NKAIN3: variants seen among roughly 807,000 people sequenced by gnomAD.
NKAIN3 encodes the protein sodium/potassium transporting ATPase interacting 3, also known as sodium/potassium-transporting ATPase subunit beta-1-interacting protein 3.
A neutral mutation model predicts 30.2 loss-of-function variants in NKAIN3; 25 were observed. That is an observed-to-expected ratio of 0.83 (90% CI 0.60 to 1.16). NKAIN3 has a LOEUF of 1.16. Among genes scored for constraint, NKAIN3 ranks in the 50% most tolerant of loss-of-function variants. The pLI is 0.00. For synonymous variants in NKAIN3, 91 were observed against 89.6 expected (o/e 1.02, Z -0.09); for missense variants, 225 against 254.1 (o/e 0.89, Z 0.78).
intron 4 of NKAIN3, among the ~76,000 whole-genome samples, chr8:62,896,716 C>T (rs577074448): frequency 6.6e-6 from 1 of 152,266 alleles, no homozygotes; most frequent in South Asian, 2.1e-4. Context: ...TTAAGTGGCT[C>T]TAGCTGGGAT....
At chr8:62,606,106 TC>T (rs1811118254) in intron 3 of NKAIN3, among the ~76,000 whole-genome samples, 1 of 152,088 alleles carries the variant, frequency 6.6e-6, no homozygotes, top group Non-Finnish European at 1.5e-5. Flanking sequence ...TGTGCGTCGA[TC>T]CACCATCTCC....
intron 1 of NKAIN3, among the ~76,000 whole-genome samples, chr8:62,338,077 A>G (rs1005333557): frequency 6.6e-6 from 1 of 152,046 alleles, no homozygotes; most frequent in African/African-American, 2.4e-5. Flanking sequence ...TTATCTGCCA[A>G]TGATGTGTCT....
chr8:62,896,729 A>G (rs1821439206), intron 4 of NKAIN3, among the ~76,000 whole-genome samples: 2 of 152,180 alleles, frequency 1.3e-5, no homozygotes, highest in Non-Finnish European at 2.9e-5. Flanking sequence ...GCTGGGATGG[A>G]GATAGGCAAG....
At chr8:62,373,340 T>C (rs1816966506) in intron 1 of NKAIN3, among the ~76,000 whole-genome samples, 1 of 152,224 alleles carries the variant, frequency 6.6e-6, no homozygotes, top group South Asian at 2.1e-4. Flanking sequence ...ATTTCTAGGC[T>C]GAAATTCTAC....
chr8:62,399,997 A>G (rs1317307895), intron 1 of NKAIN3, among the ~76,000 whole-genome samples: 1 of 152,054 alleles, frequency 6.6e-6, no homozygotes, highest in East Asian at 1.9e-4. Context: ...TCCTGAACAT[A>G]GAGGGGCTAG....
chr8:62,562,900 G>A (rs564940086), intron 1 of NKAIN3, among the ~76,000 whole-genome samples: 4 of 152,186 alleles, frequency 2.6e-5, no homozygotes, highest in East Asian at 3.9e-4. Context: ...ATGAGAAAAG[G>A]TTCTTAGAGA....
At chr8:62,726,359 CTTG>C (rs948178240) in intron 3 of NKAIN3, among the ~76,000 whole-genome samples, 7 of 151,934 alleles carry the variant, frequency 4.6e-5, no homozygotes, top group African/African-American at 1.7e-4. Flanking sequence ...AGTGTGCATC[CTTG>C]TTGTATTCCA....
At chr8:62,831,256 A>T (rs1227276505) in intron 4 of NKAIN3, among the ~76,000 whole-genome samples, 1 of 152,182 alleles carries the variant, frequency 6.6e-6, no homozygotes, top group African/African-American at 2.4e-5. Flanking sequence ...AATGAAAAAA[A>T]TTACAAAATT....
chr8:62,660,450 T>C (rs971453762), intron 3 of NKAIN3, among the ~76,000 whole-genome samples: 1 of 152,120 alleles, frequency 6.6e-6, no homozygotes, highest in Admixed American at 6.5e-5. Context: ...CTTGCTTTTT[T>C]TTTTCCTTTC....
intron 3 of NKAIN3, among the ~76,000 whole-genome samples, chr8:62,688,934 TTAA>T (rs1300662423): frequency 1.3e-5 from 2 of 152,190 alleles, no homozygotes; most frequent in African/African-American, 4.8e-5. Flanking sequence ...AACTTTAAAC[TTAA>T]TAAAGAATTT....
intron 4 of NKAIN3, among the ~76,000 whole-genome samples, chr8:62,858,156 C>T (rs1374175655): frequency 6.6e-6 from 1 of 152,092 alleles, no homozygotes; most frequent in African/African-American, 2.4e-5. Flanking sequence ...TAGTTACCTC[C>T]GTTTTTCCTG....
intron 4 of NKAIN3, among the ~76,000 whole-genome samples, chr8:62,870,696 T>G (rs1311645153): frequency 4.5e-4 from 41 of 91,006 alleles, no homozygotes; most frequent in African/African-American, 7.2e-4. Context: ...TCTCTCTATC[T>G]ATATATCTAT....
intron 3 of NKAIN3, among the ~76,000 whole-genome samples, chr8:62,710,784 T>C (rs1041306314): frequency 4.6e-5 from 7 of 152,196 alleles, no homozygotes; most frequent in Non-Finnish European, 8.8e-5. Flanking sequence ...GTACTTTGTT[T>C]CTTTTTCTTT....
chr8:62,901,862 G>A (rs996262684), intron 4 of NKAIN3, among the ~76,000 whole-genome samples: 5 of 152,198 alleles, frequency 3.3e-5, no homozygotes, highest in Non-Finnish European at 7.3e-5. Flanking sequence ...AGTCTACTGA[G>A]TTTACCATGA....
In NKAIN3 at chr8:62,349,274, C is replaced by T. The variant is rs1339355147; in HGVS notation, c.54+100147C>T. 2.0e-5 allele frequency among the ~76,000 whole-genome samples: 3 copies of T among 152,068 alleles called. No individual in the cohort carries two copies. The East Asian group carries it at 5.8e-4, about 29-fold the overall frequency. ...AAGGGGATTCTTTAATATTTAATCCCTCTAGGGAGGATTAGAGCAAGCTGC... is the reference window on the plus strand; with the variant it reads ...AAGGGGATTCTTTAATATTTAATCCTTCTAGGGAGGATTAGAGCAAGCTGC... On this transcript the variant is annotated intron_variant, in intron 1 of 6. Coordinates refer to ENST00000623646, the MANE Select transcript of NKAIN3 (RefSeq NM_001304533.3).
At chr8:62,393,117 C>T (rs13279221) in intron 1 of NKAIN3, among the ~76,000 whole-genome samples, 66 of 152,046 alleles carry the variant, frequency 4.3e-4, no homozygotes, top group Admixed American at 1.0e-3. Flanking sequence ...TATTGCATAT[C>T]CATGATTTTT....
chr8:62,782,596 A>G (rs1303865634), intron 4 of NKAIN3, among the ~76,000 whole-genome samples: 1 of 151,942 alleles, frequency 6.6e-6, no homozygotes, highest in Non-Finnish European at 1.5e-5. Context: ...TGGTCATAAA[A>G]TAGAATAAAG....
chr8:62,894,046 A>T (rs995585421), intron 4 of NKAIN3, among the ~76,000 whole-genome samples: 2 of 152,230 alleles, frequency 1.3e-5, no homozygotes, highest in African/African-American at 4.8e-5. Flanking sequence ...AATTGTATCA[A>T]GACCCAACAA....
rs139457070 is a variant in NKAIN3 at position 62,779,027 on chromosome 8, G to A, written c.471+31898G>A. ...ATGTGGGAGCTAGGGCCTGGAATGG[G>A]GGCCTCAGGACTCTGCCAGGTGCCC... On this transcript the variant is annotated intron_variant, in intron 4 of 6. Transcript: ENST00000623646. Among the ~76,000 whole-genome samples the A allele has an allele frequency of 7.4e-3, 1,127 of 152,062 alleles. 21 individuals are homozygous for A. The highest frequency in any genetic ancestry group is 0.026 in the African/African-American group (1,080 of 41,506).
Sources: allele counts gnomAD v4.1 joint callset (sites outside exome capture counted in the v4.1 genomes callset), GRCh38; gene constraint gnomAD v4.1.1; transcripts MANE v1.5; gene names NCBI Gene and HGNC (gene_info 2026-07-23, HGNC 2026-07-21).